The following ZNF12 variants were observed in gnomAD, a reference collection of about 807,000 sequenced individuals.
The protein encoded by ZNF12 is zinc finger protein 12, also known as gonadotropin inducible transcription repressor 3.
Under a neutral mutation model 66.6 loss-of-function variants are expected in ZNF12, and 34 were observed. That is an observed-to-expected ratio of 0.51 (90% CI 0.39 to 0.68). The LOEUF (loss-of-function observed/expected upper bound fraction) is 0.68, where lower values mean the gene tolerates loss of function less well. ZNF12 is among the 30% of genes least tolerant of loss of function. The pLI is 0.00. For synonymous variants in ZNF12, 320 were observed against 278.9 expected, an observed-to-expected ratio of 1.15 and a Z score of -1.47; for missense variants, 697 against 826.9, an observed-to-expected ratio of 0.84 and a Z score of 1.93.
intron 2 of ZNF12, among the ~76,000 whole-genome samples, chr7:6,699,298 G>T (rs1583466234): frequency 6.6e-6 from 1 of 152,320 alleles, no homozygotes; most frequent in African/African-American, 2.4e-5. Flanking sequence ...TGGAATGACT[G>T]GAATGATCCA....
chr7:6,692,519 G>C lies in ZNF12; in HGVS notation c.423C>G (p.Asp141Glu), dbSNP rs1485224704. ...RKIAYKNSLC[D>E]SCEKCLTSVS... ...CAGACGTTAAACACTTTTCACATGA[G>C]TCACAGAGGCTATTTTTATAGGCTA... Residue 141 changes from aspartate (D) to glutamate (E), a missense_variant, in exon 5 of 5, where the codon GAC (aspartate) becomes GAG (glutamate). By Grantham distance (45) the Asp-to-Glu change is conservative. Around this residue, in one of 3 missense-constraint regions of ZNF12, gnomAD observed 241 missense variants for 224.0 expected, o/e 1.08. Coordinates refer to ENST00000405858, the MANE Select transcript of ZNF12 (RefSeq NM_016265.4). This position sits in a 1 kb window ranked among gnomAD's most constrained non-coding sequence, Gnocchi z 5.1. The C allele has an allele frequency of 1.2e-6, 2 of 1,613,582 alleles. No homozygotes were observed. The highest frequency in any genetic ancestry group is 2.2e-5 in the East Asian group (1 of 44,848).
At position 6,706,815 on chromosome 7, in the gene ZNF12, C is replaced by G. The variant is rs1338895184; in HGVS notation, c.-434G>C. 3.1e-6 allele frequency: 1 copy of G among 319,730 alleles called. No individual in the cohort carries two copies. The highest frequency in any genetic ancestry group is 5.9e-6 in the Non-Finnish European group (1 of 168,382). 19.8% of individuals were successfully genotyped at this position (319,730 alleles called of 1,614,324 possible). On this transcript the variant is annotated 5_prime_UTR_variant, in exon 1 of 5. Transcript: ENST00000405858. ...AGCCTCCGCCTGGCCCGCACAGCCC[C>G]GCGCCCGCTTGGGTGCCGGCCCGGC... is the stretch of plus-strand genomic sequence containing the variant.
Position 6,697,306 on chromosome 7 carries a change from T to G in ZNF12, c.238+33A>C, listed in dbSNP as rs1484043017. The G allele has an allele frequency of 1.9e-6, 3 of 1,539,582 alleles. No homozygotes were observed. The highest frequency in any genetic ancestry group is 2.7e-5 in the African/African-American group (2 of 73,248). On this transcript the variant is annotated intron_variant, in intron 4 of 4. Coordinates refer to ENST00000405858, the MANE Select transcript of ZNF12 (RefSeq NM_016265.4). The surrounding 1 kb of genome is among the most constrained non-coding windows in gnomAD (Gnocchi z 6.1). ...AATCCCTGGGAAAAACACTCCCAAG[T>G]TACCGATCTCCTCACTGCCTCCACT...
chr7:6,690,864 A>G lies in ZNF12; in HGVS notation c.2078T>C (p.Val693Ala), dbSNP rs1456896584. The G allele has an allele frequency of 6.2e-7, 1 of 1,610,576 alleles. No homozygotes were observed. The highest frequency in any genetic ancestry group is 8.5e-7 in the Non-Finnish European group (1 of 1,178,110). The part of the protein sequence containing the change: ...HRRGNMNVID[V>A]GRLL ...GGTCTGACTTCAGAGAAGCCTTCCC[A>G]CATCTATTACATTCATATTGCCTCT... Residue 693 changes from valine (V) to alanine (A), a missense_variant, in exon 5 of 5, where the codon GTG becomes GCG. Physicochemically the swap from Val to Ala is moderately conservative, Grantham distance 64 (BLOSUM62 0). Coordinates refer to ENST00000405858, the MANE Select transcript of ZNF12 (RefSeq NM_016265.4).
At position 6,699,347 on chromosome 7, in the gene ZNF12, G is replaced by A. The variant is rs190025700; in HGVS notation, c.16-1536C>T. Among the ~76,000 whole-genome samples the A allele has an allele frequency of 1.5e-3, 234 of 152,264 alleles. 1 individual carries two copies. Among genetic ancestry groups the A allele is most frequent in the African/African-American group, 5.3e-3 (219 of 41,568 alleles). ...GGTTCTACTGACTCCCTGAGATGCC[G>A]TGCCACTCTCTCCCAGCTCTAGATA... On this transcript the variant is annotated intron_variant, in intron 2 of 4. Transcript: ENST00000405858.
chr7:6,706,125 G>A (rs1423294219), intron 1 of ZNF12, among the ~76,000 whole-genome samples: 1 of 152,174 alleles, frequency 6.6e-6, no homozygotes, highest in African/African-American at 2.4e-5. Context: ...ACCTAAGGGG[G>A]AATCAGCACT....
chr7:6,690,702 G>C lies in ZNF12; in HGVS notation c.*146C>G. 1 of 774,990 alleles carries C rather than the reference G, an allele frequency of 1.3e-6. No individual in the cohort carries two copies. Among genetic ancestry groups the C allele is most frequent in the South Asian group, 2.1e-5 (1 of 47,644 alleles). 48.0% of individuals were successfully genotyped at this position (774,990 alleles called of 1,614,324 possible). ...GTTATAATCATGGTTTCCATTCTGT[G>C]AGTCTTCAGATTATGAGTCCAACAC... is the stretch of plus-strand genomic sequence containing the variant. On this transcript the variant is annotated 3_prime_UTR_variant, in exon 5 of 5. Transcript: ENST00000405858.
In ZNF12 at chr7:6,692,673, T is replaced by C. The variant is rs1032865235; in HGVS notation, c.269A>G (p.Glu90Gly). ...DEVWQTDDLIERIQEEENKPS... is the reference protein window; with the variant it reads ...DEVWQTDDLIGRIQEEENKPS... ...TTTATTTTCCTCTTCCTGGATTCTC[T>C]CTATTAGGTCATCAGTTTGCCAGAC... is the stretch of plus-strand genomic sequence containing the variant. Residue 90 changes from glutamate to glycine, a missense_variant, in exon 5 of 5, where the codon GAG (glutamate) becomes GGG (glycine). By Grantham distance (98) the Glu-to-Gly change is moderately conservative. Coordinates refer to ENST00000405858, the MANE Select transcript of ZNF12 (RefSeq NM_016265.4). This position sits in a 1 kb window ranked among gnomAD's most constrained non-coding sequence, Gnocchi z 5.1. 12 of 1,589,790 alleles carry C rather than the reference T, an allele frequency of 7.5e-6. No homozygotes were observed. Among genetic ancestry groups the C allele is most frequent in the East Asian group, 2.2e-5 (1 of 44,668 alleles).
At position 6,690,700 on chromosome 7, in the gene ZNF12, G is replaced by GT; in HGVS notation, c.*147dup. On this transcript the variant is annotated 3_prime_UTR_variant, in exon 5 of 5. Coordinates refer to ENST00000405858, the MANE Select transcript of ZNF12 (RefSeq NM_016265.4). Reference sequence around the variant, plus strand: ...TTGTTATAATCATGGTTTCCATTCTGTGAGTCTTCAGATTATGAGTCCAAC... The same window carrying GT: ...TTGTTATAATCATGGTTTCCATTCTGTTGAGTCTTCAGATTATGAGTCCAAC... 1.3e-6 allele frequency: 1 copy of GT among 765,938 alleles called. No individual in the cohort carries two copies. Among genetic ancestry groups the GT allele is most frequent in the African/African-American group, 1.8e-5 (1 of 56,850 alleles). 47.4% of individuals were successfully genotyped at this position (765,938 alleles called of 1,614,324 possible).
intron 4 of ZNF12, among the ~76,000 whole-genome samples, chr7:6,693,033 C>T (rs1039889302): frequency 3.3e-5 from 5 of 152,084 alleles, no homozygotes; most frequent in East Asian, 1.9e-4. Flanking sequence ...GACTGGTAGG[C>T]GAAGAATGCA....
rs1429489877 is a variant in ZNF12, at chr7:6,696,741, G to A, written c.238+598C>T. Among the ~76,000 whole-genome samples the A allele has an allele frequency of 1.3e-5, 2 of 152,048 alleles. No individual in the cohort carries two copies. The highest frequency in any genetic ancestry group is 4.8e-5 in the African/African-American group (2 of 41,404). ...AGAAAATAAGAAACAAGATGAAAAC[G>A]AGCATTTGGTTAAAGAGGGAGACCC... On this transcript the variant is annotated intron_variant, in intron 4 of 4. Transcript: ENST00000405858. The surrounding 1 kb of genome is among the most constrained non-coding windows in gnomAD (Gnocchi z 4.0).
At chr7:6,695,807 A>G (rs920776942) in intron 4 of ZNF12, among the ~76,000 whole-genome samples, 1 of 152,226 alleles carries the variant, frequency 6.6e-6, no homozygotes, top group African/African-American at 2.4e-5. Context: ...AGTCATGACA[A>G]AAGTCAGGGA....
intron 2 of ZNF12, chr7:6,704,226 C>G (rs1187558417): frequency 6.6e-6 from 1 of 151,588 alleles, no homozygotes; most frequent in East Asian, 1.9e-4. Flanking sequence ...GTAATCGCAG[C>G]TACTCGGGAG....
In ZNF12 at chr7:6,697,554, A is replaced by C; in HGVS notation, c.143-120T>G. The C allele has an allele frequency of 6.5e-7, 1 of 1,530,974 alleles. No individual in the cohort carries two copies. Among genetic ancestry groups the C allele is most frequent in the South Asian group, 1.2e-5 (1 of 83,082 alleles). 94.8% of individuals were successfully genotyped at this position (1,530,974 alleles called of 1,614,324 possible). A position where few individuals can be genotyped will look rare whatever the true frequency, so the allele number is the denominator to read the frequency against. Reference sequence around the variant, plus strand: ...TCAGAACTTTTCACGGGGGAGATCAAGACCAAAATGCCCTGCCTGGTGCCC... The same window carrying C: ...TCAGAACTTTTCACGGGGGAGATCACGACCAAAATGCCCTGCCTGGTGCCC... On this transcript the variant is annotated intron_variant, in intron 3 of 4. Coordinates refer to ENST00000405858, the MANE Select transcript of ZNF12 (RefSeq NM_016265.4). The surrounding 1 kb of genome is among the most constrained non-coding windows in gnomAD (Gnocchi z 6.1).
chr7:6,694,236 A>C (rs1780119658), intron 4 of ZNF12, among the ~76,000 whole-genome samples: 1 of 152,076 alleles, frequency 6.6e-6, no homozygotes, highest in Non-Finnish European at 1.5e-5. Flanking sequence ...TAAAATAACA[A>C]TTTTATTTTT....
rs537259305 is a variant in ZNF12 at position 6,692,362 on chromosome 7, G to C, written c.580C>G (p.Gln194Glu). The change falls in exon 5 of 5, where the codon CAA (glutamine) becomes GAA (glutamate). Residue 194 changes from glutamine (Q) to glutamate (E), a missense_variant. Around this residue, in one of 3 missense-constraint regions of ZNF12, gnomAD observed 241 missense variants for 224.0 expected, o/e 1.08. Coordinates refer to ENST00000405858, the MANE Select transcript of ZNF12 (RefSeq NM_016265.4). This position sits in a 1 kb window ranked among gnomAD's most constrained non-coding sequence, Gnocchi z 5.1. ...HPGDQAYEFN[Q>E]NGEPYTLNEE... ...TTTAGAGTATAAGGTTCCCCATTTTGATTAAATTCATAAGCTTGATCTCCT... is the reference window on the plus strand; with the variant it reads ...TTTAGAGTATAAGGTTCCCCATTTTCATTAAATTCATAAGCTTGATCTCCT... 1 of 1,609,472 alleles carries C rather than the reference G, an allele frequency of 6.2e-7. No homozygotes were observed. The highest frequency in any genetic ancestry group is 1.1e-5 in the South Asian group (1 of 89,950).
chr7:6,705,315 A>G lies in ZNF12; in HGVS notation c.-50-92T>C. The G allele has an allele frequency of 1.1e-6, 1 of 919,818 alleles. No individual in the cohort carries two copies. The highest frequency in any genetic ancestry group is 1.7e-6 in the Non-Finnish European group (1 of 593,718). 57.0% of individuals were successfully genotyped at this position (919,818 alleles called of 1,614,324 possible). ...CCCAAAACCTACACAGAAAGTTCCA[A>G]GAAGTACATCTTGTGGGAGACTGTC... is the stretch of plus-strand genomic sequence containing the variant. On this transcript the variant is annotated intron_variant, in intron 1 of 4. Coordinates refer to ENST00000405858, the MANE Select transcript of ZNF12 (RefSeq NM_016265.4). The surrounding 1 kb of genome is among the most constrained non-coding windows in gnomAD (Gnocchi z 4.0).
In ZNF12 at chr7:6,706,696, C is replaced by T. The variant is rs1780365009; in HGVS notation, c.-315G>A. ...GCACACGGGCCGGGCCCGGGTCCCG[C>T]CGCCCCTTCGCCTCCGCCGTCGTCA... On this transcript the variant is annotated 5_prime_UTR_variant, in exon 1 of 5. Coordinates refer to ENST00000405858, the MANE Select transcript of ZNF12 (RefSeq NM_016265.4). 3.8e-6 allele frequency: 1 copy of T among 264,046 alleles called. No individual in the cohort carries two copies. The highest frequency in any genetic ancestry group is 6.3e-5 in the Admixed American group (1 of 15,954). 16.4% of individuals were successfully genotyped at this position (264,046 alleles called of 1,614,324 possible). A position where few individuals can be genotyped will look rare whatever the true frequency, so the allele number is the denominator to read the frequency against.
rs944143938 is a variant in ZNF12, at chr7:6,706,864, C to T, written c.-483G>A. Reference sequence around the variant, plus strand: ...GCTCTTCGGCGCCCAGCCCCGCAGGCTCCGCGATTCTCGCCCACCGGAGGC... The same window carrying T: ...GCTCTTCGGCGCCCAGCCCCGCAGGTTCCGCGATTCTCGCCCACCGGAGGC... On this transcript the variant is annotated 5_prime_UTR_variant, in exon 1 of 5. Coordinates refer to ENST00000405858, the MANE Select transcript of ZNF12 (RefSeq NM_016265.4). 1 of 396,468 alleles carries T rather than the reference C, an allele frequency of 2.5e-6. No homozygotes were observed. 24.6% of individuals were successfully genotyped at this position (396,468 alleles called of 1,614,324 possible).
Sources: gnomAD v4.1 joint callset for allele counts (sites outside exome capture counted in the v4.1 genomes callset) on GRCh38, gnomAD v4.1.1 for gene constraint, gnomAD v4.1.1 regional missense constraint, Gnocchi (gnomAD v3.1) non-coding constraint, MANE v1.5 for transcripts, NCBI Gene and HGNC (gene_info 2026-07-23, HGNC 2026-07-21) for gene names.